The following SV2C variants were observed in gnomAD, a reference collection of about 807,000 sequenced individuals.
SV2C encodes the protein solute carrier family 22 member B3.
SV2C carries 49 observed loss-of-function variants against 79.7 expected under a neutral mutation model. The observed-to-expected ratio is 0.61, with a 90% CI of 0.49 to 0.78. SV2C has a LOEUF of 0.78. SV2C is among the 30% of genes least tolerant of loss of function. SV2C has a pLI of 0.00. For missense variants in SV2C, 833 were observed against 912.9 expected, an observed-to-expected ratio of 0.91 and a Z score of 1.13; for synonymous variants, 334 against 333.2, an observed-to-expected ratio of 1.00 and a Z score of -0.03.
chr5:75,912,360 G>A, the SV2C span, among the ~76,000 whole-genome samples: 1 of 152,136 alleles, frequency 6.6e-6, no homozygotes, highest in African/African-American at 2.4e-5. Flanking sequence ...GGGTGTGGTG[G>A]CAGGCACCTG....
In SV2C at chr5:76,200,625, T is replaced by C. The variant is rs201739482; in HGVS notation, c.761+5526T>C. 7.3e-4 allele frequency among the ~76,000 whole-genome samples: 111 copies of C among 152,250 alleles called. 1 individual carries two copies. In the East Asian group the frequency reaches 0.017, roughly 23 times the overall value. ...ATAAAGGGGACTGGAAGGAGTTCTT[T>C]TTTATTTTATTTTTTGTTTTATTTT... On this transcript the variant is annotated intron_variant, in intron 3 of 12. Transcript: ENST00000502798.
the SV2C span, among the ~76,000 whole-genome samples, chr5:75,941,424 A>G: frequency 6.6e-6 from 1 of 152,196 alleles, no homozygotes; most frequent in Admixed American, 6.5e-5. Context: ...GTGCCTTTCT[A>G]TTCAACATAT....
intron 4 of SV2C, among the ~76,000 whole-genome samples, chr5:76,231,372 A>G (rs61403297): frequency 0.04 from 6,162 of 152,240 alleles, 314 homozygotes; most frequent in African/African-American, 0.12. Flanking sequence ...TTATTTGTCA[A>G]TTTATGAAAA....
the SV2C span, among the ~76,000 whole-genome samples, chr5:75,949,701 C>T: frequency 6.6e-6 from 1 of 151,984 alleles, no homozygotes; most frequent in Non-Finnish European, 1.5e-5. Flanking sequence ...TCCCTTCCAC[C>T]TTCCACCATG....
the SV2C span, among the ~76,000 whole-genome samples, chr5:75,995,080 GC>G: frequency 6.3e-5 from 3 of 47,362 alleles, no homozygotes; most frequent in African/African-American, 4.3e-4. Flanking sequence ...CCTCTTCTCT[GC>G]CTTTTTTTTT....
chr5:76,127,513 A>G (rs903283077), intron 1 of SV2C, among the ~76,000 whole-genome samples: 9 of 152,326 alleles, frequency 5.9e-5, no homozygotes, highest in Admixed American at 5.2e-4. Flanking sequence ...TCAATCGGCT[A>G]TGTATCCTGC....
the SV2C span, among the ~76,000 whole-genome samples, chr5:76,060,331 A>G: frequency 2.1e-3 from 322 of 152,272 alleles, 2 homozygotes; most frequent in African/African-American, 7.5e-3. Flanking sequence ...GTTTTCGTCT[A>G]CACTGAAAAT....
chr5:75,867,481 C>A, the SV2C span, among the ~76,000 whole-genome samples: 1 of 152,104 alleles, frequency 6.6e-6, no homozygotes, highest in African/African-American at 2.4e-5. Context: ...GGGGAAGAAT[C>A]TTGAAAAATG....
intron 5 of SV2C, 94 bp from the exon 6 acceptor site, chr5:76,285,687 C>G (rs1747332334): frequency 2.0e-6 from 2 of 997,206 alleles, no homozygotes; most frequent in Admixed American, 2.1e-5. Context: ...ACAATTACAC[C>G]TCATTTGATC....
At chr5:76,169,321 C>T (rs999102447) in intron 2 of SV2C, among the ~76,000 whole-genome samples, 8 of 152,212 alleles carry the variant, frequency 5.3e-5, no homozygotes, top group East Asian at 1.9e-4. Context: ...ACTGATGTGA[C>T]GAGATGGGCT....
chr5:76,321,553 A>G (rs1748829766), intron 12 of SV2C, among the ~76,000 whole-genome samples: 1 of 152,038 alleles, frequency 6.6e-6, no homozygotes, highest in African/African-American at 2.4e-5. Flanking sequence ...CATCCTGGGC[A>G]ATATGATGAA....
chr5:75,966,966 T>A, the SV2C span, among the ~76,000 whole-genome samples: 1 of 152,208 alleles, frequency 6.6e-6, no homozygotes, highest in African/African-American at 2.4e-5. Flanking sequence ...ATATATATAT[T>A]CACAATTAAC....
chr5:76,008,301 C>G, the SV2C span, among the ~76,000 whole-genome samples: 4 of 152,148 alleles, frequency 2.6e-5, no homozygotes, highest in African/African-American at 9.7e-5. Context: ...TTCAAACAGG[C>G]TGCATTACTT....
At chr5:76,124,828 T>C (rs2112170432) in intron 1 of SV2C, among the ~76,000 whole-genome samples, 1 of 152,348 alleles carries the variant, frequency 6.6e-6, no homozygotes, top group South Asian at 2.1e-4. Context: ...TTGGTATGCA[T>C]TGGTCCAGTT....
the SV2C span, among the ~76,000 whole-genome samples, chr5:76,064,352 A>T: frequency 6.6e-6 from 1 of 152,194 alleles, no homozygotes. Context: ...TCCTCCCACC[A>T]GGCGGGAGTC....
chr5:76,038,435 T>C, the SV2C span, among the ~76,000 whole-genome samples: 1 of 152,190 alleles, frequency 6.6e-6, no homozygotes, highest in Admixed American at 6.5e-5. Flanking sequence ...TCCTATCATA[T>C]AGCCTTGTGT....
At chr5:75,920,476 AC>A in the SV2C span, among the ~76,000 whole-genome samples, 1 of 151,856 alleles carries the variant, frequency 6.6e-6, no homozygotes, top group Non-Finnish European at 1.5e-5. Context: ...ATTTTAAGAA[AC>A]CCCCCCAACC....
chr5:76,056,828 G>T, the SV2C span, among the ~76,000 whole-genome samples: 1 of 151,620 alleles, frequency 6.6e-6, no homozygotes, highest in South Asian at 2.1e-4. Flanking sequence ...ATGGAAGTTT[G>T]TTTTTCTGTG....
the SV2C span, among the ~76,000 whole-genome samples, chr5:76,002,025 C>A: frequency 1.3e-5 from 2 of 152,040 alleles, no homozygotes; most frequent in Non-Finnish European, 2.9e-5. Flanking sequence ...GCTTAGCCCC[C>A]ACTTATAAGT....
Sources: gnomAD v4.1 joint callset for allele counts (sites outside exome capture counted in the v4.1 genomes callset) on GRCh38, gnomAD v4.1.1 for gene constraint, MANE v1.5 for transcripts, NCBI Gene and HGNC (gene_info 2026-07-23, HGNC 2026-07-21) for gene names.